The following PRR16 variants were observed in gnomAD, a reference collection of about 807,000 sequenced individuals.
PRR16 encodes proline rich 16, also known as protein Largen.
A neutral mutation model predicts 18.2 loss-of-function variants in PRR16; 6 were observed. The ratio of observed to expected loss-of-function variants is 0.33; its 90% CI spans 0.18 to 0.65. The LOEUF is 0.65. Ranked by LOEUF, PRR16 falls within the 30% of genes least tolerant of loss-of-function variation. The pLI, the probability that PRR16 is intolerant of heterozygous loss-of-function variation, is 0.74. For synonymous variants in PRR16, 151 were observed against 147.8 expected (o/e 1.02, Z -0.16); for missense variants, 412 against 376.6 (o/e 1.09, Z -0.78).
intron 1 of PRR16, among the ~76,000 whole-genome samples, chr5:120,520,073 A>G (rs995363180): frequency 1.3e-5 from 2 of 152,194 alleles, no homozygotes; most frequent in East Asian, 3.9e-4. Context: ...GGTTTATTAA[A>G]GTGTAGAATC....
intron 1 of PRR16, among the ~76,000 whole-genome samples, chr5:120,484,731 A>G (rs564144486): frequency 4.0e-5 from 6 of 149,336 alleles, no homozygotes; most frequent in Non-Finnish European, 8.9e-5. Context: ...TTTTTCCATC[A>G]ATGTTAAATT....
At chr5:120,502,766 A>T (rs145636153) in intron 1 of PRR16, among the ~76,000 whole-genome samples, 186 of 152,284 alleles carry the variant, frequency 1.2e-3, no homozygotes, top group African/African-American at 4.2e-3. Flanking sequence ...TTCTAGTTCA[A>T]CCTAATAAAA....
chr5:120,490,880 C>T (rs1421826627), intron 1 of PRR16, among the ~76,000 whole-genome samples: 3 of 152,134 alleles, frequency 2.0e-5, no homozygotes, highest in African/African-American at 7.2e-5. Context: ...CAGTCAGGAC[C>T]CTCAGCTGCA....
At chr5:120,622,823 C>G (rs1754733826) in intron 1 of PRR16, among the ~76,000 whole-genome samples, 1 of 152,030 alleles carries the variant, frequency 6.6e-6, no homozygotes, top group Non-Finnish European at 1.5e-5. Flanking sequence ...CTCTTTAAAT[C>G]CTGTACTTTT....
At chr5:120,528,427 G>A (rs751184825) in intron 1 of PRR16, among the ~76,000 whole-genome samples, 1 of 152,224 alleles carries the variant, frequency 6.6e-6, no homozygotes, top group South Asian at 2.1e-4. Context: ...GACCAACTCT[G>A]GCAACTTTGC....
In PRR16 at chr5:120,533,654, A is replaced by G. The variant is rs570906360; in HGVS notation, c.159+69009A>G. ...TTTCCAAAGCAGGAGCGTGCCTGGTATATTCAAGGAAGCTTGTGTGGCTGG... is the reference window on the plus strand; with the variant it reads ...TTTCCAAAGCAGGAGCGTGCCTGGTGTATTCAAGGAAGCTTGTGTGGCTGG... On this transcript the variant is annotated intron_variant, in intron 1 of 1. Coordinates refer to ENST00000407149, the MANE Select transcript of PRR16 (RefSeq NM_001300783.2). 2.0e-5 allele frequency among the ~76,000 whole-genome samples: 3 copies of G among 152,302 alleles called. No individual in the cohort carries two copies. In the South Asian group the frequency reaches 6.2e-4, roughly 32 times the overall value.
At chr5:120,757,091 C>T in the PRR16 span, among the ~76,000 whole-genome samples, 89 of 152,088 alleles carry the variant, frequency 5.9e-4, no homozygotes, top group African/African-American at 2.0e-3. Flanking sequence ...TTCTTTATTG[C>T]TTATTTTTGT....
intron 1 of PRR16, among the ~76,000 whole-genome samples, chr5:120,600,268 T>A (rs1306696453): frequency 1.3e-5 from 2 of 151,936 alleles, no homozygotes; most frequent in Non-Finnish European, 2.9e-5. Flanking sequence ...GAATGTCTCC[T>A]TTTTTGTTTA....
chr5:120,485,785 G>A (rs1316262334), intron 1 of PRR16, among the ~76,000 whole-genome samples: 1 of 152,106 alleles, frequency 6.6e-6, no homozygotes, highest in Non-Finnish European at 1.5e-5. Context: ...ATCTCCCAGT[G>A]CTATCCCTCC....
intron 1 of PRR16, among the ~76,000 whole-genome samples, chr5:120,653,755 G>A (rs1561596145): frequency 6.6e-6 from 1 of 151,908 alleles, no homozygotes; most frequent in East Asian, 1.9e-4. Flanking sequence ...CATTTCTCCA[G>A]TCCCTGATGG....
chr5:120,487,748 A>C (rs1414279133), intron 1 of PRR16, among the ~76,000 whole-genome samples: 1 of 152,122 alleles, frequency 6.6e-6, no homozygotes, highest in Non-Finnish European at 1.5e-5. Flanking sequence ...GAATGCTTCC[A>C]GTTTTTGCCC....
intron 1 of PRR16, among the ~76,000 whole-genome samples, chr5:120,504,213 C>G (rs185942369): frequency 7.2e-5 from 11 of 152,302 alleles, no homozygotes; most frequent in Admixed American, 3.9e-4. Context: ...TTCACCCACT[C>G]TCTTCTTCCC....
At chr5:120,562,300 C>T (rs557244959) in intron 1 of PRR16, among the ~76,000 whole-genome samples, 2 of 152,128 alleles carry the variant, frequency 1.3e-5, no homozygotes, top group African/African-American at 4.8e-5. Context: ...ATAACCACTC[C>T]TGGCCTTTTT....
intron 1 of PRR16, among the ~76,000 whole-genome samples, chr5:120,515,208 A>G (rs1202501938): frequency 1.3e-5 from 2 of 152,122 alleles, no homozygotes; most frequent in African/African-American, 4.8e-5. Flanking sequence ...CCAAACTTGC[A>G]TTTATAAGGA....
chr5:120,550,345 A>G (rs1752215694), intron 1 of PRR16, among the ~76,000 whole-genome samples: 1 of 152,068 alleles, frequency 6.6e-6, no homozygotes, highest in Non-Finnish European at 1.5e-5. Flanking sequence ...AAATATGGAA[A>G]AGCCCAAAGA....
chr5:120,723,610 A>G, the PRR16 span, among the ~76,000 whole-genome samples: 26 of 151,952 alleles, frequency 1.7e-4, no homozygotes, highest in Non-Finnish European at 8.8e-5. Flanking sequence ...TTTGTGCCAG[A>G]CAGAAATAAG....
intron 1 of PRR16, among the ~76,000 whole-genome samples, chr5:120,519,711 A>G (rs1298045700): frequency 2.0e-5 from 3 of 152,298 alleles, no homozygotes; most frequent in African/African-American, 7.2e-5. Flanking sequence ...CTCTTGTGCC[A>G]ACAATGAAAG....
chr5:120,488,077 G>A (rs1201351467), intron 1 of PRR16, among the ~76,000 whole-genome samples: 18 of 152,192 alleles, frequency 1.2e-4, no homozygotes, highest in Admixed American at 4.6e-4. Context: ...TTTTTGCATC[G>A]ATGTTTATCA....
the PRR16 span, among the ~76,000 whole-genome samples, chr5:120,765,794 A>C: frequency 6.6e-6 from 1 of 151,932 alleles, no homozygotes; most frequent in South Asian, 2.1e-4. Context: ...CACTCAAGAT[A>C]ATTTCTTTCC....
Sources: allele counts gnomAD v4.1 joint callset (sites outside exome capture counted in the v4.1 genomes callset), GRCh38; gene constraint gnomAD v4.1.1; transcripts MANE v1.5; gene names NCBI Gene and HGNC (gene_info 2026-07-23, HGNC 2026-07-21).